Variants in MCC observed in about 807,000 individuals in gnomAD.
MCC encodes MCC regulator of Wnt signaling pathway.
In MCC, 90 loss-of-function variants were observed where a neutral mutation model predicts 116.2. That is an observed-to-expected ratio of 0.77 (90% CI 0.65 to 0.92). The LOEUF (loss-of-function observed/expected upper bound fraction) is 0.92, where lower values mean the gene tolerates loss of function less well. MCC is among the 40% of genes least tolerant of loss of function. The pLI is 0.00. For synonymous variants in MCC, 578 were observed against 510.5 expected, an observed-to-expected ratio of 1.13 and a Z score of -1.78; for missense variants, 1,516 against 1,312.2, an observed-to-expected ratio of 1.16 and a Z score of -2.40.
At chr5:113,395,374 GA>G (rs898464790) in intron 1 of MCC, among the ~76,000 whole-genome samples, 4 of 151,432 alleles carry the variant, frequency 2.6e-5, no homozygotes, top group South Asian at 2.1e-4. Context: ...TATGCCAAAA[GA>G]AAAAAAAATT....
At chr5:113,253,587 A>G (rs1393322282) in intron 3 of MCC, among the ~76,000 whole-genome samples, 2 of 152,200 alleles carry the variant, frequency 1.3e-5, no homozygotes, top group South Asian at 2.1e-4. Flanking sequence ...AGATGAGCAC[A>G]AGGAGGAGGG....
intron 2 of MCC, among the ~76,000 whole-genome samples, chr5:113,364,685 C>T (rs550070469): frequency 2.0e-5 from 3 of 152,352 alleles, no homozygotes; most frequent in African/African-American, 7.2e-5. Context: ...CAGTCTTCTG[C>T]CTGGACATCC....
At chr5:113,035,271 G>A (rs918101569) in intron 17 of MCC, among the ~76,000 whole-genome samples, 3 of 152,000 alleles carry the variant, frequency 2.0e-5, no homozygotes, top group East Asian at 1.9e-4. Context: ...CCTCATCCTT[G>A]ACATCTGTTC....
intron 1 of MCC, among the ~76,000 whole-genome samples, chr5:113,450,751 T>C (rs1771368856): frequency 6.6e-6 from 1 of 152,184 alleles, no homozygotes. Flanking sequence ...GCTGAGAAAG[T>C]GTCACTCTCC....
At chr5:113,417,273 T>C (rs1294768411) in intron 1 of MCC, among the ~76,000 whole-genome samples, 2 of 152,138 alleles carry the variant, frequency 1.3e-5, no homozygotes, top group Admixed American at 1.3e-4. Context: ...CAGCAGTGAA[T>C]TGCTTTTTTA....
At chr5:113,293,900 T>A (rs1237054872) in intron 3 of MCC, among the ~76,000 whole-genome samples, 1 of 152,038 alleles carries the variant, frequency 6.6e-6, no homozygotes, top group African/African-American at 2.4e-5. Flanking sequence ...GATGAAATAA[T>A]CCAATGCGTC....
intron 3 of MCC, among the ~76,000 whole-genome samples, chr5:113,265,377 C>T (rs895381970): frequency 6.6e-6 from 1 of 152,134 alleles, no homozygotes; most frequent in African/African-American, 2.4e-5. Flanking sequence ...TATGACGTCA[C>T]AGAATGAACC....
intron 1 of MCC, chr5:113,435,475 C>T (rs1429243616): frequency 6.6e-6 from 1 of 152,216 alleles, no homozygotes; most frequent in Non-Finnish European, 1.5e-5. Context: ...AAAAGCCAGC[C>T]TCAGTGACCC....
rs1757355020 is a variant in MCC, at chr5:113,115,699, T to C, written c.1027+6985A>G. Among the ~76,000 whole-genome samples, 5 of 152,014 alleles carry C rather than the reference T, an allele frequency of 3.3e-5. 1 individual carries two copies. In the South Asian group the frequency reaches 1.0e-3, roughly 32 times the overall value. On this transcript the variant is annotated intron_variant, in intron 6 of 18. Transcript: ENST00000408903. ...CGTCAGTGGTTTCTGCCAGAACTTT[T>C]CTGCCAGAAAAGTTCTGTTTCACAC...
At position 113,188,111 on chromosome 5, in the gene MCC, C is replaced by T. The variant is rs1308033775; in HGVS notation, c.628-36689G>A. 1.1e-4 allele frequency among the ~76,000 whole-genome samples: 16 copies of T among 152,116 alleles called. No individual in the cohort carries two copies. The East Asian group carries it at 2.3e-3, about 22-fold the overall frequency. Reference sequence around the variant, plus strand: ...AAAGAGGCCATGTATTATTTACAGCCGAGGAAGCAAGGACCTCAGATGGTA... The same window carrying T: ...AAAGAGGCCATGTATTATTTACAGCTGAGGAAGCAAGGACCTCAGATGGTA... On this transcript the variant is annotated intron_variant, in intron 3 of 18. Transcript: ENST00000408903.
intron 3 of MCC, among the ~76,000 whole-genome samples, chr5:113,225,157 T>C (rs1011805870): frequency 6.6e-6 from 1 of 152,112 alleles, no homozygotes; most frequent in Admixed American, 6.5e-5. Context: ...GATTCTTACA[T>C]AGAGTCAAAG....
At chr5:113,254,351 C>G (rs1023960939) in intron 3 of MCC, among the ~76,000 whole-genome samples, 7 of 151,954 alleles carry the variant, frequency 4.6e-5, no homozygotes, top group Non-Finnish European at 5.9e-5. Context: ...AAATAGAGTC[C>G]AAGAAAAGTA....
In MCC at chr5:113,064,095, T is replaced by C; in HGVS notation, c.2102A>G (p.Asn701Ser). The change falls in exon 14 of 19, where the codon AAC becomes AGC. Residue 701 changes from asparagine (N) to serine (S), a missense_variant. Physicochemically the swap from Asn to Ser is conservative, Grantham distance 46. Coordinates refer to ENST00000408903, the MANE Select transcript of MCC (RefSeq NM_001085377.2). ...RAHDCRKTAENAAKALLMKLD... is the reference protein window; with the variant it reads ...RAHDCRKTAESAAKALLMKLD... The stretch of plus-strand genomic sequence containing the variant: ...CTTCATGAGCAGGGCCTTGGCAGCG[T>C]TCTCAGCTGTCTTCCGGCAGTCATG... 6.2e-7 allele frequency: 1 copy of C among 1,614,216 alleles called. No homozygotes were observed.
At chr5:113,441,035 T>A (rs1771022170) in intron 1 of MCC, among the ~76,000 whole-genome samples, 1 of 152,104 alleles carries the variant, frequency 6.6e-6, no homozygotes, top group South Asian at 2.1e-4. Flanking sequence ...GACGCAGAAT[T>A]AGAAAAAAAC....
intron 6 of MCC, among the ~76,000 whole-genome samples, chr5:113,110,593 T>G (rs1461673908): frequency 6.6e-6 from 1 of 152,192 alleles, no homozygotes; most frequent in Admixed American, 6.5e-5. Context: ...TGTAGACCAT[T>G]TAAAGCACAA....
At chr5:113,401,955 T>A (rs1008148218) in intron 1 of MCC, among the ~76,000 whole-genome samples, 1 of 151,898 alleles carries the variant, frequency 6.6e-6, no homozygotes, top group Non-Finnish European at 1.5e-5. Flanking sequence ...GCTCAAGCGA[T>A]CCTCCTGCCT....
At chr5:113,128,191 A>G (rs1758193229) in intron 5 of MCC, among the ~76,000 whole-genome samples, 1 of 152,176 alleles carries the variant, frequency 6.6e-6, no homozygotes, top group African/African-American at 2.4e-5. Context: ...CACATTATCT[A>G]TCTCATTTTG....
rs1377165831 is a variant in MCC at position 113,120,671 on chromosome 5, T to G, written c.1027+2013A>C. ...GAGATGAAACAAACATGCTTCCGCC[T>G]AGTGGAATTTAGTGGGAGAATCAGT... On this transcript the variant is annotated intron_variant, in intron 6 of 18. Coordinates refer to ENST00000408903, the MANE Select transcript of MCC (RefSeq NM_001085377.2). Among the ~76,000 whole-genome samples the G allele has an allele frequency of 2.0e-5, 3 of 152,232 alleles. No individual in the cohort carries two copies. In the East Asian group the frequency reaches 5.8e-4, roughly 29 times the overall value.
chr5:113,212,910 C>T (rs1390645343), intron 3 of MCC, among the ~76,000 whole-genome samples: 1 of 152,222 alleles, frequency 6.6e-6, no homozygotes, highest in East Asian at 1.9e-4. Context: ...CTACTAATAC[C>T]TTTCATTCTC....
Sources: allele counts gnomAD v4.1 joint callset (sites outside exome capture counted in the v4.1 genomes callset), GRCh38; gene constraint gnomAD v4.1.1; transcripts MANE v1.5; gene names NCBI Gene and HGNC (gene_info 2026-07-23, HGNC 2026-07-21).